Variants in PCSK1 observed in about 807,000 individuals in gnomAD.
PCSK1 encodes proprotein convertase subtilisin/kexin type 1.
In PCSK1, 56 loss-of-function variants were observed where a neutral mutation model predicts 90.6. That is an observed-to-expected ratio of 0.62 (90% CI 0.50 to 0.77). PCSK1 has a LOEUF of 0.77. Ranked by LOEUF, PCSK1 falls within the 30% of genes least tolerant of loss-of-function variation. The probability of loss-of-function intolerance (pLI) is 0.00; values close to 1 mark genes in which losing one functional copy is unlikely to be tolerated. For missense variants in PCSK1, 801 were observed against 932.6 expected, an observed-to-expected ratio of 0.86 and a Z score of 1.84; for synonymous variants, 348 against 342.4, an observed-to-expected ratio of 1.02 and a Z score of -0.18.
chr5:96,402,791 A>G (rs1760427201), intron 9 of PCSK1, among the ~76,000 whole-genome samples: 1 of 152,100 alleles, frequency 6.6e-6, no homozygotes, highest in Non-Finnish European at 1.5e-5. Flanking sequence ...TGAGCTCCCG[A>G]CAAACATACC....
chr5:96,419,222 A>G (rs965232235), intron 5 of PCSK1, among the ~76,000 whole-genome samples: 6 of 151,388 alleles, frequency 4.0e-5, no homozygotes, highest in East Asian at 1.9e-4. Context: ...TTTAAATGCC[A>G]GATATACAGA....
At chr5:96,404,630 A>G (rs1481830412) in intron 9 of PCSK1, among the ~76,000 whole-genome samples, 1 of 151,910 alleles carries the variant, frequency 6.6e-6, no homozygotes, top group African/African-American at 2.4e-5. Flanking sequence ...AATCTTCCGA[A>G]CCCTCCTTTA....
Position 96,403,813 on chromosome 5 carries a change from C to A in PCSK1, c.1197-3627G>T, listed in dbSNP as rs139464768. Among the ~76,000 whole-genome samples the A allele has an allele frequency of 3.5e-3, 527 of 152,316 alleles. 1 individual carries two copies. The highest frequency in any genetic ancestry group is 0.017 in the Middle Eastern group (5 of 294). On this transcript the variant is annotated intron_variant, in intron 9 of 13. Transcript: ENST00000311106. ...ACTTGGACTTTCTAACATTTCACAA[C>A]CCACTAAGTCAAGACTTTTTTGTTG...
At chr5:96,411,955 A>G (rs114224963) in intron 7 of PCSK1, among the ~76,000 whole-genome samples, 3,682 of 152,142 alleles carry the variant, frequency 0.024, 149 homozygotes, top group African/African-American at 0.084. Context: ...GACTATAGGC[A>G]TCTAAGTTGA....
At chr5:96,414,054 G>A (rs1178443103) in intron 6 of PCSK1, among the ~76,000 whole-genome samples, 1 of 149,384 alleles carries the variant, frequency 6.7e-6, no homozygotes, top group South Asian at 2.1e-4. Context: ...CAGGAGAATG[G>A]CATGAACCCG....
intron 8 of PCSK1, among the ~76,000 whole-genome samples, chr5:96,410,366 C>T (rs1248779004): frequency 6.6e-6 from 1 of 151,536 alleles, no homozygotes; most frequent in Non-Finnish European, 1.5e-5. Flanking sequence ...TTATCATCTG[C>T]GACAGGGCAG....
chr5:96,432,896 G>T lies in PCSK1; in HGVS notation c.147C>A (p.Ile49=). The part of the protein sequence containing the change: ...IPGGPEAASA[I]AEELGYDLLG... ...AAAGGTCATAGCCCAGCTCCTCGGC[G>T]ATGGCCGAGGCTGCTTCCGGGCCCC... The change falls in exon 1 of 14, where the codon ATC becomes ATA. Residue 49 remains isoleucine, a synonymous_variant. Transcript: ENST00000311106. The T allele has an allele frequency of 6.2e-7, 1 of 1,613,982 alleles. No homozygotes were observed. Among genetic ancestry groups the T allele is most frequent in the African/African-American group, 1.3e-5 (1 of 75,062 alleles).
At chr5:96,414,151 A>C (rs1201281581) in intron 6 of PCSK1, among the ~76,000 whole-genome samples, 1 of 151,612 alleles carries the variant, frequency 6.6e-6, no homozygotes, top group African/African-American at 2.4e-5. Flanking sequence ...AAAAAAAAAA[A>C]AAAATCCCAG....
At chr5:96,427,574 A>G (rs1392853786) in intron 2 of PCSK1, among the ~76,000 whole-genome samples, 3 of 151,136 alleles carry the variant, frequency 2.0e-5, no homozygotes, top group Non-Finnish European at 4.5e-5. Flanking sequence ...ATTTTTTCAT[A>G]ATGTCTTGAG....
intron 8 of PCSK1, among the ~76,000 whole-genome samples, chr5:96,409,690 G>A (rs932996022): frequency 6.6e-6 from 1 of 152,330 alleles, no homozygotes; most frequent in East Asian, 1.9e-4. Context: ...ACAGCCAGGG[G>A]CTCTGAAGAC....
intron 5 of PCSK1, 127 bp downstream of exon 5, chr5:96,421,753 G>A: frequency 1.4e-6 from 1 of 733,032 alleles, no homozygotes; most frequent in Non-Finnish European, 2.5e-6. Flanking sequence ...AAAATATTGT[G>A]GTATGGATGT....
At chr5:96,404,933 T>C (rs1442013894) in intron 9 of PCSK1, among the ~76,000 whole-genome samples, 1 of 152,222 alleles carries the variant, frequency 6.6e-6, no homozygotes, top group Non-Finnish European at 1.5e-5. Flanking sequence ...CAATATTGGG[T>C]GCCATTATTC....
intron 5 of PCSK1, among the ~76,000 whole-genome samples, chr5:96,417,312 T>C (rs1760968245): frequency 1.3e-5 from 2 of 152,164 alleles, no homozygotes; most frequent in African/African-American, 4.8e-5. Context: ...GAATTCTAAG[T>C]CAGGACAATA....
chr5:96,397,998 C>A (rs1210253063), intron 11 of PCSK1, among the ~76,000 whole-genome samples: 8 of 151,948 alleles, frequency 5.3e-5, no homozygotes, highest in African/African-American at 1.7e-4. Context: ...TTAACAATCT[C>A]TTATATTAAA....
At chr5:96,432,024 C>T in intron 1 of PCSK1, 1 of 1,251,424 alleles carries the variant, frequency 8.0e-7, no homozygotes, top group Non-Finnish European at 1.1e-6. Flanking sequence ...ACCTATCGAC[C>T]AAGCCTTCAC....
In PCSK1 at chr5:96,392,921, A is replaced by T; in HGVS notation, c.*80T>A. 1.4e-6 allele frequency: 2 copies of T among 1,422,980 alleles called. No homozygotes were observed. The highest frequency in any genetic ancestry group is 2.0e-6 in the Non-Finnish European group (2 of 1,009,734). 88.1% of individuals were successfully genotyped at this position (1,422,980 alleles called of 1,614,324 possible). On this transcript the variant is annotated 3_prime_UTR_variant, in exon 14 of 14. Coordinates refer to ENST00000311106, the MANE Select transcript of PCSK1 (RefSeq NM_000439.5). Reference sequence around the variant, plus strand: ...TTATAAGCATAAGAATTCATGACAAAACAACCACTTCAGACACAGGCAAAA... The same window carrying T: ...TTATAAGCATAAGAATTCATGACAATACAACCACTTCAGACACAGGCAAAA...
At chr5:96,419,616 T>C (rs1761056536) in intron 5 of PCSK1, among the ~76,000 whole-genome samples, 1 of 151,728 alleles carries the variant, frequency 6.6e-6, no homozygotes, top group Non-Finnish European at 1.5e-5. Context: ...AGTCTGCTCT[T>C]AACTGTTGGG....
At chr5:96,415,989 T>C in intron 6 of PCSK1, 44 bp downstream of exon 6, 1 of 1,219,084 alleles carries the variant, frequency 8.2e-7, no homozygotes, top group East Asian at 2.3e-5. Context: ...TGATGTAAGC[T>C]TCACATTAAA....
rs538203019 is a variant in PCSK1 at position 96,424,303 on chromosome 5, C to G, written c.397-844G>C. On this transcript the variant is annotated intron_variant, in intron 3 of 13. Transcript: ENST00000311106. ...GGTGGGGTGACAAGTATTTGCCAGG[C>G]TGGTATGAAGCTGAATCACAGGAGG... Among the ~76,000 whole-genome samples, 4 of 152,218 alleles carry G rather than the reference C, an allele frequency of 2.6e-5. No homozygotes were observed. In the East Asian group the frequency reaches 7.7e-4, roughly 29 times the overall value.
Sources: gnomAD v4.1 joint callset for allele counts (sites outside exome capture counted in the v4.1 genomes callset) on GRCh38, gnomAD v4.1.1 for gene constraint, MANE v1.5 for transcripts, NCBI Gene and HGNC (gene_info 2026-07-23, HGNC 2026-07-21) for gene names.